JARID2: variants seen among roughly 807,000 people sequenced by gnomAD.
JARID2 encodes the protein jumonji and AT-rich interaction domain containing 2.
Under a neutral mutation model 125.6 loss-of-function variants are expected in JARID2, and 21 were observed. The observed-to-expected ratio is 0.17, with a 90% CI of 0.12 to 0.24. The LOEUF (loss-of-function observed/expected upper bound fraction) is 0.24. Ranked by LOEUF, JARID2 falls within the 10% of genes least tolerant of loss-of-function variation. The pLI, the probability that JARID2 is intolerant of heterozygous loss-of-function variation, is 1.00. For synonymous variants in JARID2, 736 were observed against 661.6 expected, an observed-to-expected ratio of 1.11 and a Z score of -1.73; for missense variants, 1,303 against 1,639.6, an observed-to-expected ratio of 0.79 and a Z score of 3.55.
At chr6:15,271,094 T>G (rs1464598225) in intron 1 of JARID2, among the ~76,000 whole-genome samples, 1 of 152,260 alleles carries the variant, frequency 6.6e-6, no homozygotes, top group Non-Finnish European at 1.5e-5. Context: ...TTCAGAAGTT[T>G]GTAGCCTTTC....
At chr6:15,270,284 C>G (rs542709815) in intron 1 of JARID2, among the ~76,000 whole-genome samples, 2 of 152,286 alleles carry the variant, frequency 1.3e-5, no homozygotes, top group South Asian at 4.1e-4. Flanking sequence ...AGGCATTTGC[C>G]ACCACACCTG....
chr6:15,438,708 C>T (rs1023487583), intron 3 of JARID2, among the ~76,000 whole-genome samples: 1 of 152,172 alleles, frequency 6.6e-6, no homozygotes. Context: ...TTTCCCTCCA[C>T]AGTATCCTTC....
intron 1 of JARID2, among the ~76,000 whole-genome samples, chr6:15,373,868 C>T (rs1367993111): frequency 6.6e-6 from 1 of 152,032 alleles, no homozygotes; most frequent in African/African-American, 2.4e-5. Context: ...GATTTTGGGG[C>T]GTATAAAGAA....
At chr6:15,282,339 C>G (rs546950791) in intron 1 of JARID2, among the ~76,000 whole-genome samples, 1 of 152,270 alleles carries the variant, frequency 6.6e-6, no homozygotes, top group South Asian at 2.1e-4. Flanking sequence ...TATTTTCCTC[C>G]CTTCTTGCCA....
intron 1 of JARID2, among the ~76,000 whole-genome samples, chr6:15,279,153 C>T (rs558784602): frequency 1.5e-5 from 2 of 133,746 alleles, no homozygotes; most frequent in East Asian, 1.9e-4. Flanking sequence ...TACATATATT[C>T]ATATATATGG....
chr6:15,510,127 T>G (rs1554147567), intron 12 of JARID2, among the ~76,000 whole-genome samples: 1 of 151,990 alleles, frequency 6.6e-6, no homozygotes, highest in Non-Finnish European at 1.5e-5. Context: ...GCGGGGGCTG[T>G]GGGGAGGGGC....
intron 4 of JARID2, among the ~76,000 whole-genome samples, chr6:15,462,126 A>G (rs1005629359): frequency 6.6e-6 from 1 of 152,162 alleles, no homozygotes; most frequent in Non-Finnish European, 1.5e-5. Context: ...ATTGATAGTA[A>G]TTTTGTCTTG....
intron 1 of JARID2, among the ~76,000 whole-genome samples, chr6:15,281,186 G>A (rs76830930): frequency 0.074 from 11,278 of 152,164 alleles, 439 homozygotes; most frequent in Admixed American, 0.11. Context: ...CAGTCAGTGC[G>A]CATATACCAC....
chr6:15,289,079 T>C (rs2127391997), intron 1 of JARID2, among the ~76,000 whole-genome samples: 1 of 152,178 alleles, frequency 6.6e-6, no homozygotes, highest in South Asian at 2.1e-4. Flanking sequence ...TTGATTGGGG[T>C]TGGTGAAACC....
At chr6:15,264,675 C>T (rs1007198527) in intron 1 of JARID2, among the ~76,000 whole-genome samples, 3 of 150,814 alleles carry the variant, frequency 2.0e-5, no homozygotes, top group Non-Finnish European at 3.0e-5. Context: ...GAGAGAATAT[C>T]TAAGAAGGAG....
chr6:15,398,893 G>A (rs1765315543), intron 2 of JARID2, among the ~76,000 whole-genome samples: 1 of 152,098 alleles, frequency 6.6e-6, no homozygotes, highest in African/African-American at 2.4e-5. Context: ...TTATGTCTCG[G>A]CGTTTCTACT....
In JARID2 at chr6:15,496,240, A is replaced by G. The variant is rs1770415098; in HGVS notation, c.1015A>G (p.Thr339Ala). The G allele has an allele frequency of 1.9e-6, 3 of 1,614,190 alleles. No homozygotes were observed. The highest frequency in any genetic ancestry group is 2.7e-5 in the African/African-American group (2 of 75,048). ...TTCACCATCCAAAACTGTGAAGTAC[A>G]CTGCCACGGTGACGAAGGGGGCTGT... Reference protein sequence around the residue: ...RPSPSKTVKYTATVTKGAVTY... With the variant: ...RPSPSKTVKYAATVTKGAVTY... Residue 339 changes from threonine to alanine, a missense_variant, in exon 7 of 18, where the codon ACT becomes GCT. Transcript: ENST00000341776.
At chr6:15,404,821 C>G (rs901743394) in intron 2 of JARID2, among the ~76,000 whole-genome samples, 2 of 152,134 alleles carry the variant, frequency 1.3e-5, no homozygotes, top group African/African-American at 2.4e-5. Flanking sequence ...TTTTTCCTTT[C>G]TTTTTAACCC....
At chr6:15,438,508 C>T (rs1170930446) in intron 3 of JARID2, among the ~76,000 whole-genome samples, 2 of 152,318 alleles carry the variant, frequency 1.3e-5, no homozygotes, top group South Asian at 2.1e-4. Flanking sequence ...TTCCTCTGCA[C>T]GTCATTGTTT....
chr6:15,320,724 A>G (rs906256818), intron 1 of JARID2, among the ~76,000 whole-genome samples: 2 of 152,112 alleles, frequency 1.3e-5, no homozygotes, highest in Non-Finnish European at 2.9e-5. Context: ...TAATTACTGT[A>G]TTTCATTTGT....
At chr6:15,510,809 A>G (rs373360145) in intron 12 of JARID2, among the ~76,000 whole-genome samples, 28 of 152,326 alleles carry the variant, frequency 1.8e-4, no homozygotes, top group African/African-American at 6.5e-4. Flanking sequence ...GTGCATTTGT[A>G]GAGGGCAGGG....
chr6:15,472,920 G>A (rs796946252), intron 5 of JARID2, among the ~76,000 whole-genome samples: 7 of 152,262 alleles, frequency 4.6e-5, no homozygotes, highest in African/African-American at 1.7e-4. Flanking sequence ...GCTATGCCTG[G>A]GCATTTTTTA....
chr6:15,492,696 C>G (rs911265460), intron 6 of JARID2, among the ~76,000 whole-genome samples: 7 of 152,156 alleles, frequency 4.6e-5, no homozygotes, highest in Admixed American at 3.9e-4. Flanking sequence ...GTTAGCTTTT[C>G]AGCTCCCCTG....
chr6:15,406,585 T>A (rs1561841388), intron 2 of JARID2, among the ~76,000 whole-genome samples: 1 of 152,212 alleles, frequency 6.6e-6, no homozygotes, highest in Non-Finnish European at 1.5e-5. Context: ...AAACTTGGAG[T>A]TCTTGGAAGA....
Sources: gnomAD v4.1 joint callset for allele counts (sites outside exome capture counted in the v4.1 genomes callset) on GRCh38, gnomAD v4.1.1 for gene constraint, MANE v1.5 for transcripts, NCBI Gene and HGNC (gene_info 2026-07-23, HGNC 2026-07-21) for gene names.